The following DDC variants were observed in gnomAD, a reference collection of about 807,000 sequenced individuals.
DDC encodes aromatic-L-amino-acid decarboxylase.
In DDC, 43 loss-of-function variants were observed where a neutral mutation model predicts 60.0. The observed-to-expected ratio is 0.72, with a 90% confidence interval of 0.56 to 0.92. The LOEUF (loss-of-function observed/expected upper bound fraction) is 0.92, where lower values mean the gene tolerates loss of function less well. Ranked by LOEUF, DDC falls within the 40% of genes least tolerant of loss-of-function variation. The probability of loss-of-function intolerance (pLI) is 0.00; values close to 1 mark genes in which losing one functional copy is unlikely to be tolerated. For missense variants in DDC, 573 were observed against 620.2 expected, an observed-to-expected ratio of 0.92 and a Z score of 0.81; for synonymous variants, 232 against 234.6, an observed-to-expected ratio of 0.99 and a Z score of 0.10.
At chr7:50,541,221 C>T (rs1009589030) in intron 2 of DDC, 1 of 152,240 alleles carries the variant, frequency 6.6e-6, no homozygotes, top group African/African-American at 2.4e-5. Context: ...TTGGGAGCAC[C>T]CCTGGACTGC....
chr7:50,533,194 A>G, intron 4 of DDC, among the ~76,000 whole-genome samples: 1 of 152,148 alleles, frequency 6.6e-6, no homozygotes, highest in East Asian at 1.9e-4. Context: ...CTGTATACAT[A>G]TATTCACATG....
At chr7:50,547,981 A>AC (rs1246370866) in intron 1 of DDC, among the ~76,000 whole-genome samples, 1 of 152,174 alleles carries the variant, frequency 6.6e-6, no homozygotes, top group Non-Finnish European at 1.5e-5. Context: ...CATTTCAGAA[A>AC]CTTTTGTAAT....
chr7:50,530,661 C>T (rs529393814), intron 4 of DDC, among the ~76,000 whole-genome samples: 11 of 149,850 alleles, frequency 7.3e-5, no homozygotes, highest in East Asian at 1.9e-4. Context: ...CCCACGCCTG[C>T]GCTTTTTAGG....
At chr7:50,469,901 C>T (rs1488246992) in intron 12 of DDC, among the ~76,000 whole-genome samples, 172 bp downstream of exon 12, 1 of 152,024 alleles carries the variant, frequency 6.6e-6, no homozygotes, top group African/African-American at 2.4e-5. Flanking sequence ...TTCGCTTGAA[C>T]CCAGGAGGCA....
At chr7:50,537,695 G>A (rs1563038337) in intron 4 of DDC, among the ~76,000 whole-genome samples, 165 bp downstream of exon 4, 2 of 152,218 alleles carry the variant, frequency 1.3e-5, no homozygotes, top group African/African-American at 4.8e-5. Context: ...TCCAGATCCT[G>A]CCAATCCCAA....
At chr7:50,542,147 A>G (rs1323642476) in intron 2 of DDC, 1 of 152,246 alleles carries the variant, frequency 6.6e-6, no homozygotes, top group East Asian at 1.9e-4. Flanking sequence ...ATCAGGAGGA[A>G]AAAACAGTGA....
chr7:50,535,513 T>C (rs2044374101), intron 4 of DDC, among the ~76,000 whole-genome samples: 1 of 152,158 alleles, frequency 6.6e-6, no homozygotes. Context: ...AACCAAAGAA[T>C]GCGAAGGAGG....
At chr7:50,492,915 C>T (rs1165213810) in intron 9 of DDC, 8 of 1,596,912 alleles carry the variant, frequency 5.0e-6, no homozygotes, top group Non-Finnish European at 6.8e-6. Context: ...GCGGCAGGCA[C>T]TCCACGTCCC....
intron 2 of DDC, among the ~76,000 whole-genome samples, chr7:50,540,596 G>A (rs2153549347): frequency 6.6e-6 from 1 of 152,248 alleles, no homozygotes; most frequent in Non-Finnish European, 1.5e-5. Context: ...GAGGAGCTGA[G>A]GCCTTCCCTC....
chr7:50,497,873 A>G (rs1397662580), intron 8 of DDC, among the ~76,000 whole-genome samples: 2 of 152,310 alleles, frequency 1.3e-5, no homozygotes, highest in East Asian at 3.9e-4. Context: ...TAGTAAGAGG[A>G]TTATTCTTTC....
chr7:50,467,227 C>T lies in DDC; in HGVS notation c.1229G>A (p.Cys410Tyr), dbSNP rs745400113. 1 of 1,613,962 alleles carries T rather than the reference C, an allele frequency of 6.2e-7. No individual in the cohort carries two copies. The highest frequency in any genetic ancestry group is 8.5e-7 in the Non-Finnish European group (1 of 1,179,872). ...ATGTAGACAAACCTTTAGCCGAAAG[C>T]AGACAAGCCCCAGAATGACTTCCAC... ...ICVEVILGLV[C>Y]FRLKGSNKVN... Residue 410 changes from cysteine (C) to tyrosine (Y), a missense_variant, in exon 13 of 15, where the codon TGC (cysteine) becomes TAC (tyrosine). Physicochemically the swap from Cys to Tyr is radical, Grantham distance 194 (BLOSUM62 -2). Transcript: ENST00000444124.
At chr7:50,504,234 A>G (rs1419840062) in intron 6 of DDC, among the ~76,000 whole-genome samples, 175 bp from the exon 7 acceptor site, 21 of 152,202 alleles carry the variant, frequency 1.4e-4, no homozygotes, top group Non-Finnish European at 2.1e-4. Flanking sequence ...TTTGGGTGAA[A>G]GCATCATAAC....
intron 2 of DDC, among the ~76,000 whole-genome samples, chr7:50,540,443 T>C (rs1295617917): frequency 6.6e-6 from 1 of 152,072 alleles, no homozygotes; most frequent in East Asian, 1.9e-4. Flanking sequence ...AAGCTTAGTT[T>C]TCCTAAAACT....
chr7:50,553,038 C>T (rs1180207488), intron 1 of DDC, among the ~76,000 whole-genome samples: 2 of 152,222 alleles, frequency 1.3e-5, no homozygotes, highest in Admixed American at 1.3e-4. Context: ...TAGGACTTCT[C>T]TGCCACAGCC....
Position 50,543,909 on chromosome 7 carries a change from G to A in DDC, c.177C>T (p.Asp59=), listed in dbSNP as rs375406710. Residue 59 remains aspartate (D), a synonymous_variant, in exon 2 of 15, where the codon GAC becomes GAT. Transcript: ENST00000444124. The part of the protein sequence containing the change: ...EPDTFEDIIN[D]VEKIIMPGVT... ...CCCCAGGCATGATTATCTTCTCAAC[G>A]TCGTTGATGATGTCCTCAAACGTGT... The A allele has an allele frequency of 2.4e-5, 38 of 1,614,002 alleles. No homozygotes were observed. Among genetic ancestry groups the A allele is most frequent in the Admixed American group, 3.3e-5 (2 of 59,996 alleles).
Position 50,537,871 on chromosome 7 carries a change from C to T in DDC, c.424G>A (p.Gly142Arg), listed in dbSNP as rs757220196. The change falls in exon 4 of 15, where the codon GGA becomes AGA. Residue 142 changes from glycine (G) to arginine (R), a missense_variant. Gly to Arg is a moderately radical substitution (Grantham distance 125, BLOSUM62 -2). Transcript: ENST00000444124. Reference protein sequence around the residue: ...FLNEKAGEGGGVIQGSASEAT... With the variant: ...FLNEKAGEGGRVIQGSASEAT... ...AGCTCCCACCTTACCTGGATCACTCCTCCCCCTTCTCCAGCTTTCTCATTC... is the reference window on the plus strand; with the variant it reads ...AGCTCCCACCTTACCTGGATCACTCTTCCCCCTTCTCCAGCTTTCTCATTC... The T allele has an allele frequency of 1.6e-5, 26 of 1,614,078 alleles. No homozygotes were observed. The highest frequency in any genetic ancestry group is 2.2e-5 in the Non-Finnish European group (26 of 1,180,052).
chr7:50,499,310 C>T (rs776232993), intron 7 of DDC, 68 bp from the exon 8 acceptor site: 79 of 1,103,350 alleles, frequency 7.2e-5, no homozygotes, highest in Non-Finnish European at 9.6e-5. Flanking sequence ...CAGCTGACCT[C>T]GCCCTGTCTG....
In DDC at chr7:50,539,895, A is replaced by C; in HGVS notation, c.315+20T>G. 6.3e-7 allele frequency: 1 copy of C among 1,593,418 alleles called. No individual in the cohort carries two copies. The highest frequency in any genetic ancestry group is 1.3e-5 in the African/African-American group (1 of 74,494). On this transcript the variant is annotated intron_variant, in intron 3 of 14. Transcript: ENST00000444124. Reference sequence around the variant, plus strand: ...CCACCACAGCCAGGACCCCTTCCCGAGGTGCATCCGGACCCTCACCCAGGA... The same window carrying C: ...CCACCACAGCCAGGACCCCTTCCCGCGGTGCATCCGGACCCTCACCCAGGA...
chr7:50,504,045 C>T lies in DDC; in HGVS notation c.729G>A (p.Leu243=). 1 of 1,613,712 alleles carries T rather than the reference C, an allele frequency of 6.2e-7. No homozygotes were observed. Among genetic ancestry groups the T allele is most frequent in the South Asian group, 1.1e-5 (1 of 91,074 alleles). Reference sequence around the variant, plus strand: ...CAAAGGAGCAGCATGTTGTGGTCCCCAGGGTGGCAACCATCTAGAGGGTAA... The same window carrying T: ...CAAAGGAGCAGCATGTTGTGGTCCCTAGGGTGGCAACCATCTAGAGGGTAA... ...GLIPFFMVAT[L]GTTTCCSFDN... The change falls in exon 7 of 15, where the codon CTG becomes CTA. Residue 243 remains leucine, a synonymous_variant. Transcript: ENST00000444124.
Sources: allele counts gnomAD v4.1 joint callset (sites outside exome capture counted in the v4.1 genomes callset), GRCh38; gene constraint gnomAD v4.1.1; transcripts MANE v1.5; gene names NCBI Gene and HGNC (gene_info 2026-07-23, HGNC 2026-07-21).